CDH23: variants seen among roughly 807,000 people sequenced by gnomAD.
CDH23 encodes the protein cadherin-23.
In CDH23, 189 loss-of-function variants were observed where a neutral mutation model predicts 317.1. That is an observed-to-expected ratio of 0.60 (90% CI 0.53 to 0.67). CDH23 has a LOEUF of 0.67. Among genes scored for constraint, CDH23 ranks in the 30% least tolerant of loss-of-function variants. The pLI, the probability that CDH23 is intolerant of heterozygous loss-of-function variation, is 0.00. For synonymous variants in CDH23, 1,839 were observed against 1,876.8 expected (o/e 0.98, Z 0.52); for missense variants, 4,401 against 4,592.4 (o/e 0.96, Z 1.20).
intron 6 of CDH23, among the ~76,000 whole-genome samples, chr10:71,522,128 GTT>G (rs34189051): frequency 1.2e-4 from 18 of 148,166 alleles, no homozygotes; most frequent in African/African-American, 1.7e-4. Flanking sequence ...GCTTACACAG[GTT>G]TTTTTTTTTG....
intron 52 of CDH23, among the ~76,000 whole-genome samples, chr10:71,800,046 G>A (rs897103025): frequency 2.6e-5 from 4 of 152,222 alleles, no homozygotes; most frequent in Admixed American, 1.3e-4. Context: ...GGGGAAGGGA[G>A]GATGCCCCAA....
chr10:71,685,516 G>C (rs1589331751), intron 18 of CDH23, among the ~76,000 whole-genome samples: 1 of 152,326 alleles, frequency 6.6e-6, no homozygotes, highest in South Asian at 2.1e-4. Flanking sequence ...CCCTCCCTGG[G>C]ACCACAGAGG....
intron 25 of CDH23, 79 bp downstream of exon 25, chr10:71,705,209 C>A: frequency 3.1e-6 from 4 of 1,308,778 alleles, no homozygotes; most frequent in Non-Finnish European, 4.2e-6. Flanking sequence ...TAGAGGGGAG[C>A]CCATGTCCCC....
intron 3 of CDH23, among the ~76,000 whole-genome samples, chr10:71,473,714 C>G (rs991915989): frequency 2.6e-5 from 4 of 152,232 alleles, no homozygotes; most frequent in Admixed American, 2.0e-4. Context: ...CACAGAAGAA[C>G]CCAACAATAT....
chr10:71,412,692 A>G (rs1848390526), intron 1 of CDH23, among the ~76,000 whole-genome samples: 1 of 152,140 alleles, frequency 6.6e-6, no homozygotes, highest in African/African-American at 2.4e-5. Flanking sequence ...GTTTTTTGAT[A>G]ATAGTCATCC....
intron 6 of CDH23, among the ~76,000 whole-genome samples, chr10:71,523,669 G>A (rs1030041340): frequency 6.6e-6 from 1 of 152,178 alleles, no homozygotes; most frequent in African/African-American, 2.4e-5. Context: ...GGAGGGATGG[G>A]GCAGGTCACT....
At chr10:71,646,076 C>A in intron 13 of CDH23, 96 bp downstream of exon 13, 1 of 1,431,866 alleles carries the variant, frequency 7.0e-7, no homozygotes, top group Non-Finnish European at 9.5e-7. Context: ...TCCCACCTTC[C>A]ACTGCTGCCC....
chr10:71,687,621 C>CT, intron 18 of CDH23, 26 bp from the exon 19 acceptor site: 1 of 1,612,636 alleles, frequency 6.2e-7, no homozygotes, highest in Non-Finnish European at 8.5e-7. Flanking sequence ...CTGCAGCCTC[C>CT]TGCAACCTGT....
intron 3 of CDH23, among the ~76,000 whole-genome samples, chr10:71,492,833 G>T (rs550493851): frequency 1.3e-5 from 2 of 152,318 alleles, no homozygotes; most frequent in South Asian, 2.1e-4. Context: ...GGAGTCTGCC[G>T]TGGGGGGCTC....
intron 45 of CDH23, among the ~76,000 whole-genome samples, 170 bp from the exon 46 acceptor site, chr10:71,790,118 C>T (rs145449326): frequency 8.9e-4 from 136 of 152,336 alleles, no homozygotes; most frequent in Non-Finnish European, 1.4e-3. Flanking sequence ...CATCTGCGTT[C>T]AGTCTGCCAA....
intron 1 of CDH23, among the ~76,000 whole-genome samples, chr10:71,420,524 GTGA>G (rs1227240365): frequency 0.02 from 401 of 20,316 alleles, 6 homozygotes; most frequent in African/African-American, 0.046. Context: ...GATGGTGAAG[GTGA>G]TGATGATGAT....
Position 71,800,623 on chromosome 10 carries a change from C to G in CDH23, c.7363-13C>G. On this transcript the variant is annotated splice_polypyrimidine_tract_variant and intron_variant, in intron 52 of 69. Coordinates refer to ENST00000224721, the MANE Select transcript of CDH23 (RefSeq NM_022124.6). ...AATGATTGAAGGACCTAAAGCCACCCTCCCCCTACTAGGGTGACATCTATG... is the reference window on the plus strand; with the variant it reads ...AATGATTGAAGGACCTAAAGCCACCGTCCCCCTACTAGGGTGACATCTATG... 6.2e-7 allele frequency: 1 copy of G among 1,613,322 alleles called. No homozygotes were observed. Among genetic ancestry groups the G allele is most frequent in the Non-Finnish European group, 8.5e-7 (1 of 1,179,618 alleles).
At chr10:71,778,735 C>CAAAT (rs1840877620) in intron 40 of CDH23, among the ~76,000 whole-genome samples, 1 of 152,166 alleles carries the variant, frequency 6.6e-6, no homozygotes, top group Admixed American at 6.5e-5. Context: ...AGTGCAGCAA[C>CAAAT]AAATAGAAGT....
At chr10:71,668,027 C>T (rs1863986205) in intron 14 of CDH23, among the ~76,000 whole-genome samples, 1 of 152,150 alleles carries the variant, frequency 6.6e-6, no homozygotes, top group Non-Finnish European at 1.5e-5. Flanking sequence ...CCCTAAGCCA[C>T]CTGCACAGAC....
chr10:71,439,324 C>T (rs926076055), intron 1 of CDH23, among the ~76,000 whole-genome samples: 3 of 152,198 alleles, frequency 2.0e-5, no homozygotes, highest in Non-Finnish European at 4.4e-5. Flanking sequence ...GAGATATGCT[C>T]ATTGGGCACT....
At chr10:71,733,070 CA>C (rs113879178) in intron 32 of CDH23, among the ~76,000 whole-genome samples, 7,498 of 152,266 alleles carry the variant, frequency 0.049, 624 homozygotes, top group African/African-American at 0.17. Context: ...TGCTTCTGAC[CA>C]ACTGGCTAAA....
At chr10:71,600,663 C>T (rs1358173501) in intron 9 of CDH23, among the ~76,000 whole-genome samples, 1 of 151,910 alleles carries the variant, frequency 6.6e-6, no homozygotes, top group Non-Finnish European at 1.5e-5. Context: ...ACTACGGACA[C>T]GCACCACCAC....
intron 17 of CDH23, among the ~76,000 whole-genome samples, chr10:71,681,056 G>A (rs1227839694): frequency 2.6e-5 from 4 of 151,588 alleles, no homozygotes; most frequent in Non-Finnish European, 4.4e-5. Context: ...TTGAACTCCT[G>A]ACCTCAAGCC....
intron 21 of CDH23, 35 bp downstream of exon 21, chr10:71,694,294 C>G (rs753482345): frequency 1.4e-5 from 21 of 1,531,802 alleles, no homozygotes; most frequent in Admixed American, 8.5e-5. Flanking sequence ...CCAGCTCCCC[C>G]TCGCCGGCCA....
Sources: gnomAD v4.1 joint callset for allele counts (sites outside exome capture counted in the v4.1 genomes callset) on GRCh38, gnomAD v4.1.1 for gene constraint, MANE v1.5 for transcripts, NCBI Gene and HGNC (gene_info 2026-07-23, HGNC 2026-07-21) for gene names.